PRICKLE2: variants seen among roughly 807,000 people sequenced by gnomAD.
PRICKLE2 encodes prickle planar cell polarity protein 2, also known as prickle-like protein 2.
In PRICKLE2, 21 loss-of-function variants were observed where a neutral mutation model predicts 81.4. The observed-to-expected ratio is 0.26, with a 90% CI of 0.18 to 0.37. The LOEUF is 0.37. PRICKLE2 is among the 10% of genes least tolerant of loss of function. The pLI is 1.00. For synonymous variants in PRICKLE2, 456 were observed against 421.5 expected, an observed-to-expected ratio of 1.08 and a Z score of -1.00; for missense variants, 940 against 1,109.0, an observed-to-expected ratio of 0.85 and a Z score of 2.16.
At chr3:64,158,812 C>A (rs190613314) in intron 4 of PRICKLE2, among the ~76,000 whole-genome samples, 33 of 152,252 alleles carry the variant, frequency 2.2e-4, no homozygotes, top group Admixed American at 2.2e-3. Context: ...GCTACCCCAT[C>A]CCATATAACT....
At chr3:64,240,427 G>C (rs2079246496) in intron 2 of PRICKLE2, among the ~76,000 whole-genome samples, 1 of 152,214 alleles carries the variant, frequency 6.6e-6, no homozygotes, top group Non-Finnish European at 1.5e-5. Context: ...CAGGCTAAAT[G>C]GAGTTGGGCC....
chr3:64,112,417 G>C (rs908670215), intron 7 of PRICKLE2, among the ~76,000 whole-genome samples: 1 of 152,216 alleles, frequency 6.6e-6, no homozygotes, highest in African/African-American at 2.4e-5. Flanking sequence ...TTGTGGGACA[G>C]CAGTTCATGA....
At chr3:64,172,352 C>T (rs1440119869) in intron 2 of PRICKLE2, among the ~76,000 whole-genome samples, 1 of 152,178 alleles carries the variant, frequency 6.6e-6, no homozygotes, top group Non-Finnish European at 1.5e-5. Context: ...TTCAATACTG[C>T]CTTTAGATAA....
At chr3:64,263,745 A>T (rs2079650991) in intron 2 of PRICKLE2, among the ~76,000 whole-genome samples, 1 of 152,164 alleles carries the variant, frequency 6.6e-6, no homozygotes, top group African/African-American at 2.4e-5. Context: ...TAACTGTCTT[A>T]AGAATTCCAA....
intron 2 of PRICKLE2, among the ~76,000 whole-genome samples, chr3:64,254,273 G>A (rs1418009478): frequency 1.3e-5 from 2 of 152,148 alleles, no homozygotes; most frequent in Middle Eastern, 3.4e-3. Context: ...CTAACACACA[G>A]CCAGGTTTAG....
At position 64,197,243 on chromosome 3, in the gene PRICKLE2, T is replaced by G. The variant is rs190221331; in HGVS notation, c.144+1541A>C. Among the ~76,000 whole-genome samples, 230 of 152,316 alleles carry G rather than the reference T, an allele frequency of 1.5e-3. 2 individuals are homozygous for G. The highest frequency in any genetic ancestry group is 5.6e-4 in the Non-Finnish European group (38 of 68,030). On this transcript the variant is annotated intron_variant, in intron 2 of 7. Transcript: ENST00000638394. ...CATACGTGTGCATGTGTCTTTACAA[T>G]AGAATGATTTATATTCCTTTGGGTA...
chr3:64,261,052 T>A (rs1424629156), intron 2 of PRICKLE2, among the ~76,000 whole-genome samples: 1 of 152,150 alleles, frequency 6.6e-6, no homozygotes, highest in African/African-American at 2.4e-5. Context: ...GATGAGACAC[T>A]CATGCCTCAC....
intron 2 of PRICKLE2, among the ~76,000 whole-genome samples, chr3:64,178,940 C>T (rs188752868): frequency 3.9e-5 from 6 of 152,256 alleles, no homozygotes; most frequent in Admixed American, 3.9e-4. Flanking sequence ...TCATGCCTGA[C>T]TGAAGATTAT....
intron 2 of PRICKLE2, among the ~76,000 whole-genome samples, chr3:64,258,837 A>G (rs199706462): frequency 1.8e-5 from 1 of 55,718 alleles, no homozygotes; most frequent in African/African-American, 5.7e-5. Context: ...AAAAAAAAAA[A>G]AAAAAAAAAA....
At chr3:64,179,098 C>G (rs2078081823) in intron 2 of PRICKLE2, among the ~76,000 whole-genome samples, 4 of 150,352 alleles carry the variant, frequency 2.7e-5, no homozygotes, top group African/African-American at 9.8e-5. Flanking sequence ...TTCTTTCAGA[C>G]TGAGTTTCGC....
At chr3:64,117,673 T>G (rs1339288468) in intron 7 of PRICKLE2, among the ~76,000 whole-genome samples, 1 of 152,138 alleles carries the variant, frequency 6.6e-6, no homozygotes, top group Non-Finnish European at 1.5e-5. Context: ...CATGGAGAAC[T>G]TCAAACCACT....
intron 2 of PRICKLE2, among the ~76,000 whole-genome samples, chr3:64,245,677 T>C (rs899728339): frequency 1.3e-5 from 2 of 152,184 alleles, no homozygotes; most frequent in Admixed American, 6.5e-5. Context: ...AGGATTCCTC[T>C]TTTTGTACCA....
At chr3:64,140,900 TG>T (rs1193161554) in intron 7 of PRICKLE2, among the ~76,000 whole-genome samples, 1 of 152,152 alleles carries the variant, frequency 6.6e-6, no homozygotes, top group African/African-American at 2.4e-5. Context: ...CTAAAGCCGT[TG>T]TGCAAGTCTT....
chr3:64,221,420 TACAC>T (rs71808412), intron 1 of PRICKLE2, among the ~76,000 whole-genome samples: 7,010 of 143,710 alleles, frequency 0.049, 176 homozygotes, highest in Admixed American at 0.079. Flanking sequence ...GCTTGATTCA[TACAC>T]ACACACACAC....
chr3:64,182,681 A>C (rs1207300141), intron 2 of PRICKLE2: 1 of 152,108 alleles, frequency 6.6e-6, no homozygotes, highest in Non-Finnish European at 1.5e-5. Flanking sequence ...TGAGAGAATA[A>C]ATTTCTGGTC....
intron 7 of PRICKLE2, chr3:64,146,457 G>T: frequency 4.1e-6 from 1 of 241,910 alleles, no homozygotes; most frequent in Non-Finnish European, 8.3e-6. Flanking sequence ...AAATCCGGAG[G>T]ACCAGGCTGG....
chr3:64,244,560 A>AG (rs753947894), intron 2 of PRICKLE2, among the ~76,000 whole-genome samples: 29 of 151,904 alleles, frequency 1.9e-4, no homozygotes, highest in Non-Finnish European at 2.8e-4. Context: ...TGATGATAAA[A>AG]GGGGAAACTA....
At chr3:64,225,653 G>A (rs537351036), upstream of PRICKLE2, among the ~76,000 whole-genome samples, 2 of 151,986 alleles carry the variant, frequency 1.3e-5, no homozygotes, top group Non-Finnish European at 2.9e-5. Context: ...GCCCAGCTAC[G>A]TAACCTCCAA....
At chr3:64,238,762 G>C (rs1230925524) in intron 2 of PRICKLE2, among the ~76,000 whole-genome samples, 1 of 152,122 alleles carries the variant, frequency 6.6e-6, no homozygotes, top group Non-Finnish European at 1.5e-5. Context: ...CTGCCACATG[G>C]GTTTTCTGAA....
Sources: allele counts gnomAD v4.1 joint callset (sites outside exome capture counted in the v4.1 genomes callset), GRCh38; gene constraint gnomAD v4.1.1; transcripts MANE v1.5; gene names NCBI Gene and HGNC (gene_info 2026-07-23, HGNC 2026-07-21).